The following GIMAP2 variants were observed in gnomAD, a reference collection of about 807,000 sequenced individuals.
The protein encoded by GIMAP2 is GTPase, IMAP family member 2.
Under a neutral mutation model 25.5 loss-of-function variants are expected in GIMAP2, and 22 were observed. That is an observed-to-expected ratio of 0.86 (90% confidence interval 0.62 to 1.23). The LOEUF is 1.23. Among genes scored for constraint, GIMAP2 ranks in the 50% most tolerant of loss-of-function variants. The probability of loss-of-function intolerance (pLI) is 0.00; values close to 1 mark genes in which losing one functional copy is unlikely to be tolerated. For synonymous variants in GIMAP2, 167 were observed against 143.0 expected, an observed-to-expected ratio of 1.17 and a Z score of -1.20; for missense variants, 422 against 395.7, an observed-to-expected ratio of 1.07 and a Z score of -0.56.
rs868338737 is a variant in GIMAP2, at chr7:150,692,708, C to T, written c.422C>T (p.Thr141Ile). ...EIFGEDAMGHTIVLFTHKEDL... is the reference protein window; with the variant it reads ...EIFGEDAMGHIIVLFTHKEDL... ...TTTGGAGAGGATGCCATGGGACACA[C>T]AATTGTCCTCTTTACCCACAAGGAA... is the stretch of plus-strand genomic sequence containing the variant. Residue 141 changes from threonine to isoleucine, a missense_variant, in exon 3 of 3, where the codon ACA (threonine) becomes ATA (isoleucine). Thr to Ile is a moderately conservative substitution (Grantham distance 89). Coordinates refer to ENST00000223293, the MANE Select transcript of GIMAP2 (RefSeq NM_015660.3). 3 of 1,614,070 alleles carry T rather than the reference C, an allele frequency of 1.9e-6. No individual in the cohort carries two copies. Among genetic ancestry groups the T allele is most frequent in the Non-Finnish European group, 2.5e-6 (3 of 1,180,032 alleles).
At chr7:150,686,696 A>C (rs1420809485) in intron 1 of GIMAP2, among the ~76,000 whole-genome samples, 1 of 151,910 alleles carries the variant, frequency 6.6e-6, no homozygotes, top group Non-Finnish European at 1.5e-5. Flanking sequence ...TTAATTCCAG[A>C]ACTTTGGGAG....
At position 150,693,314 on chromosome 7, in the gene GIMAP2, T is replaced by C; in HGVS notation, c.*14T>C. ...CCTAGGTTATAGTTACAGATCCCAG[T>C]TATTATTTACTCACTATCATTTAGT... On this transcript the variant is annotated 3_prime_UTR_variant, in exon 3 of 3. Transcript: ENST00000223293. The C allele has an allele frequency of 6.7e-7, 1 of 1,503,270 alleles. No homozygotes were observed. The highest frequency in any genetic ancestry group is 8.9e-7 in the Non-Finnish European group (1 of 1,123,968). 93.1% of individuals were successfully genotyped at this position (1,503,270 alleles called of 1,614,324 possible).
chr7:150,686,818 C>T (rs1264091693), intron 1 of GIMAP2, among the ~76,000 whole-genome samples: 1 of 151,684 alleles, frequency 6.6e-6, no homozygotes, highest in South Asian at 2.1e-4. Context: ...GTGGTGCACA[C>T]CCATAATCCC....
Position 150,686,371 on chromosome 7 carries a change from G to C in GIMAP2, c.-9+586G>C, listed in dbSNP as rs191993888. ...AGGTGGGAAAAGAAAGAGAGGGAAAGGGAGGACTGAGCCTAAGGTGTAAGG... is the reference window on the plus strand; with the variant it reads ...AGGTGGGAAAAGAAAGAGAGGGAAACGGAGGACTGAGCCTAAGGTGTAAGG... On this transcript the variant is annotated intron_variant, in intron 1 of 2. Coordinates refer to ENST00000223293, the MANE Select transcript of GIMAP2 (RefSeq NM_015660.3). Among the ~76,000 whole-genome samples, 125 of 152,264 alleles carry C rather than the reference G, an allele frequency of 8.2e-4. 1 individual carries two copies. The highest frequency in any genetic ancestry group is 1.5e-3 in the Non-Finnish European group (100 of 68,012).
chr7:150,686,513 G>GGCATGA (rs1052577608), intron 1 of GIMAP2, among the ~76,000 whole-genome samples: 25 of 152,128 alleles, frequency 1.6e-4, no homozygotes, highest in African/African-American at 6.0e-4. Context: ...GAGAGAGCTG[G>GGCATGA]GCATGAGGCT....
rs1050669351 is a variant in GIMAP2, at chr7:150,692,422, C to G, written c.136C>G (p.Gln46Glu). 1.9e-6 allele frequency: 3 copies of G among 1,614,050 alleles called. No individual in the cohort carries two copies. Among genetic ancestry groups the G allele is most frequent in the Non-Finnish European group, 2.5e-6 (3 of 1,180,034 alleles). ...TGCAGGGAACAGCATCCTCAGGAAG[C>G]AAGCATTTGAATCGAAGCTGGGTTC... Reference protein sequence around the residue: ...SAAGNSILRKQAFESKLGSQT... With the variant: ...SAAGNSILRKEAFESKLGSQT... Residue 46 changes from glutamine to glutamate, a missense_variant, in exon 3 of 3, where the codon CAA becomes GAA. By Grantham distance (29) the Gln-to-Glu change is conservative. Transcript: ENST00000223293.
At position 150,685,759 on chromosome 7, in the gene GIMAP2, C is replaced by T. The variant is rs899339325; in HGVS notation, c.-35C>T. 2 of 983,914 alleles carry T rather than the reference C, an allele frequency of 2.0e-6. No individual in the cohort carries two copies. The highest frequency in any genetic ancestry group is 2.4e-6 in the Non-Finnish European group (2 of 828,722). 60.9% of individuals were successfully genotyped at this position (983,914 alleles called of 1,614,324 possible). On this transcript the variant is annotated 5_prime_UTR_variant, in exon 1 of 3. Transcript: ENST00000223293. ...AAGACAACAGGACTGAACAGGGAGC[C>T]AACTGTTTCTTTGAACAGTAAATCA...
At chr7:150,687,827 A>G (rs1695297596) in intron 2 of GIMAP2, among the ~76,000 whole-genome samples, 1 of 134,512 alleles carries the variant, frequency 7.4e-6, no homozygotes. Flanking sequence ...TGTTTCTGCT[A>G]TCTGTATGGT....
intron 2 of GIMAP2, 42 bp downstream of exon 2, chr7:150,687,129 TGTGTGTGTGTGTGTGTGTGTG>T: frequency 8.4e-7 from 1 of 1,192,566 alleles, no homozygotes; most frequent in Non-Finnish European, 1.2e-6. Flanking sequence ...TGTGTGTGTG[TGTGTGTGTGTGTGTGTGTGTG>T]TGTGTTTGGC....
chr7:150,692,371 G>A lies in GIMAP2; in HGVS notation c.85G>A (p.Gly29Ser). Residue 29 changes from glycine (G) to serine (S), a missense_variant, in exon 3 of 3, where the codon GGC becomes AGC. Transcript: ENST00000223293. The stretch of plus-strand genomic sequence containing the variant: ...ATCTGAGCTGAGAATCATCCTGGTG[G>A]GCAAAACAGGAACTGGCAAAAGTGC... ...SRSELRIILVGKTGTGKSAAG... is the reference protein window; with the variant it reads ...SRSELRIILVSKTGTGKSAAG... The A allele has an allele frequency of 1.9e-6, 3 of 1,614,162 alleles. No homozygotes were observed. The highest frequency in any genetic ancestry group is 1.7e-6 in the Non-Finnish European group (2 of 1,180,002).
intron 2 of GIMAP2, among the ~76,000 whole-genome samples, chr7:150,689,290 C>CT (rs201689225): frequency 0.011 from 1,696 of 151,234 alleles, 25 homozygotes; most frequent in African/African-American, 0.039. Flanking sequence ...AATGACCTAC[C>CT]TATCTCTCAA....
At chr7:150,690,558 A>G (rs575508910) in intron 2 of GIMAP2, among the ~76,000 whole-genome samples, 38 of 152,324 alleles carry the variant, frequency 2.5e-4, no homozygotes, top group African/African-American at 8.7e-4. Flanking sequence ...AAAGTGCTCA[A>G]TAAAGGGTAG....
At chr7:150,686,885 A>T (rs536595341) in intron 1 of GIMAP2, among the ~76,000 whole-genome samples, 167 bp from the exon 2 acceptor site, 15 of 146,282 alleles carry the variant, frequency 1.0e-4, no homozygotes, top group Non-Finnish European at 2.1e-4. Flanking sequence ...TGGAGGTTGC[A>T]GTGAGCCGAG....
chr7:150,689,273 T>C (rs1796939021), intron 2 of GIMAP2, among the ~76,000 whole-genome samples: 1 of 152,140 alleles, frequency 6.6e-6, no homozygotes, highest in South Asian at 2.1e-4. Context: ...CAGACACCCA[T>C]CTGGGAAATG....
At chr7:150,687,277 T>C in intron 2 of GIMAP2, 190 bp downstream of exon 2, 1 of 577,634 alleles carries the variant, frequency 1.7e-6, no homozygotes, top group Non-Finnish European at 3.1e-6. Context: ...TTTGTTTGTT[T>C]GTTTGTTTGT....
chr7:150,693,298 T>A lies in GIMAP2; in HGVS notation c.1012T>A (p.Ter338LysextTer15), dbSNP rs765511921. The A allele has an allele frequency of 1.5e-5, 23 of 1,538,116 alleles. No homozygotes were observed. Among genetic ancestry groups the A allele is most frequent in the Non-Finnish European group, 2.0e-5 (23 of 1,147,068 alleles). ...IRLERKTPRL[*>K] ...ACTAGAACGCAAGACTCCTAGGTTA[T>A]AGTTACAGATCCCAGTTATTATTTA... Residue 338 changes from the stop codon to lysine (K), a stop_lost, in exon 3 of 3, where the codon TAG (stop) becomes AAG (lysine). Coordinates refer to ENST00000223293, the MANE Select transcript of GIMAP2 (RefSeq NM_015660.3).
intron 1 of GIMAP2, 42 bp downstream of exon 1, chr7:150,685,827 A>G (rs1287540038): frequency 2.9e-6 from 2 of 694,390 alleles, no homozygotes; most frequent in Non-Finnish European, 3.5e-6. Flanking sequence ...GTTGATTTCT[A>G]GGTCCCAAGC....
intron 2 of GIMAP2, among the ~76,000 whole-genome samples, chr7:150,691,964 T>G (rs1440094239): frequency 6.6e-6 from 1 of 152,064 alleles, no homozygotes; most frequent in East Asian, 1.9e-4. Context: ...GCCCGGTGGC[T>G]CACGCCAGTA....
chr7:150,692,410 A>C lies in GIMAP2; in HGVS notation c.124A>C (p.Ile42Leu). 6.2e-7 allele frequency: 1 copy of C among 1,614,236 alleles called. No individual in the cohort carries two copies. ...TGGCAAAAGTGCTGCAGGGAACAGC[A>C]TCCTCAGGAAGCAAGCATTTGAATC... The part of the protein sequence containing the change: ...GTGKSAAGNS[I>L]LRKQAFESKL... Residue 42 changes from isoleucine to leucine, a missense_variant, in exon 3 of 3, where the codon ATC becomes CTC. Transcript: ENST00000223293.
Sources: gnomAD v4.1 joint callset for allele counts (sites outside exome capture counted in the v4.1 genomes callset) on GRCh38, gnomAD v4.1.1 for gene constraint, MANE v1.5 for transcripts, NCBI Gene and HGNC (gene_info 2026-07-23, HGNC 2026-07-21) for gene names.